The following CPSF4L variants were observed in gnomAD, a reference collection of about 807,000 sequenced individuals.
CPSF4L encodes the protein cleavage and polyadenylation specific factor 4 like.
Under a neutral mutation model 24.0 loss-of-function variants are expected in CPSF4L, and 18 were observed. The observed-to-expected ratio is 0.75, with a 90% CI of 0.52 to 1.11. The LOEUF is 1.11. Among genes scored for constraint, CPSF4L ranks in the 50% least tolerant of loss-of-function variants. The probability of loss-of-function intolerance (pLI) is 0.00; values close to 1 mark genes in which losing one functional copy is unlikely to be tolerated. For missense variants in CPSF4L, 211 were observed against 221.8 expected (o/e 0.95, Z 0.31); for synonymous variants, 72 against 77.2 (o/e 0.93, Z 0.35).
At chr17:73,255,493 C>T (rs2062021589) in intron 3 of CPSF4L, among the ~76,000 whole-genome samples, 1 of 139,772 alleles carries the variant, frequency 7.2e-6, no homozygotes. Flanking sequence ...GGCAACAGTG[C>T]GAGACTCTGT....
At chr17:73,257,884 C>A in intron 2 of CPSF4L, 51 bp from the exon 3 acceptor site, 5 of 1,539,268 alleles carry the variant, frequency 3.2e-6, no homozygotes, top group Non-Finnish European at 8.8e-7. Context: ...ACAGCCTGGG[C>A]CCAGCTCAGC....
intron 5 of CPSF4L, among the ~76,000 whole-genome samples, chr17:73,252,181 A>C (rs1248577494): frequency 6.6e-6 from 1 of 152,190 alleles, no homozygotes; most frequent in Non-Finnish European, 1.5e-5. Context: ...TGAGTAAAAG[A>C]TTCATCTTGG....
chr17:73,259,444 G>C (rs750588611), intron 2 of CPSF4L, among the ~76,000 whole-genome samples: 6 of 152,160 alleles, frequency 3.9e-5, no homozygotes, highest in Non-Finnish European at 8.8e-5. Context: ...GCCTCTCAAA[G>C]TGCTGGAATT....
chr17:73,261,098 G>A, intron 1 of CPSF4L, 115 bp from the exon 2 acceptor site: 1 of 822,860 alleles, frequency 1.2e-6, no homozygotes, highest in Admixed American at 2.3e-5. Context: ...TCTGGCCTAT[G>A]GGATCCCAAA....
chr17:73,248,831 C>T, intron 5 of CPSF4L: 1 of 341,286 alleles, frequency 2.9e-6, no homozygotes, highest in Non-Finnish European at 5.3e-6. Context: ...TTCTAATGCA[C>T]ATTAAAATTT....
At chr17:73,246,657 A>G (rs1311063434), downstream of CPSF4L, among the ~76,000 whole-genome samples, 1 of 152,090 alleles carries the variant, frequency 6.6e-6, no homozygotes, top group African/African-American at 2.4e-5. Flanking sequence ...TCTATTCCCA[A>G]TCCCCTGCTC....
At chr17:73,245,154 C>T (rs1408906393), downstream of CPSF4L, 8 of 1,613,568 alleles carry the variant, frequency 5.0e-6, no homozygotes, top group Admixed American at 1.7e-5. Context: ...ACATTTGTCT[C>T]TGTTTATCCA....
upstream of CPSF4L, chr17:73,261,928 C>T: frequency 1.3e-6 from 1 of 786,520 alleles, no homozygotes; most frequent in Non-Finnish European, 2.1e-6. Flanking sequence ...CCCCCTTCAC[C>T]CCAGGGTGCC....
At chr17:73,259,474 C>G (rs1407115622) in intron 2 of CPSF4L, among the ~76,000 whole-genome samples, 1 of 152,236 alleles carries the variant, frequency 6.6e-6, no homozygotes, top group Non-Finnish European at 1.5e-5. Flanking sequence ...AGCCTACTCC[C>G]CCGGCCAAGG....
downstream of CPSF4L, among the ~76,000 whole-genome samples, chr17:73,244,949 A>G (rs1369713937): frequency 6.6e-6 from 1 of 152,212 alleles, no homozygotes; most frequent in African/African-American, 2.4e-5. Flanking sequence ...CCACAGAGAA[A>G]AGGGCTTTTC....
chr17:73,254,939 G>T (rs935291643), intron 3 of CPSF4L, among the ~76,000 whole-genome samples: 7 of 152,262 alleles, frequency 4.6e-5, no homozygotes, highest in Admixed American at 2.6e-4. Flanking sequence ...ACCACGCCCG[G>T]ACCCAGGTGT....
intron 3 of CPSF4L, among the ~76,000 whole-genome samples, chr17:73,257,222 TC>T (rs1279798528): frequency 6.6e-6 from 1 of 152,166 alleles, no homozygotes; most frequent in Non-Finnish European, 1.5e-5. Context: ...ATGCAAAGTT[TC>T]TTCTAAAGTA....
downstream of CPSF4L, chr17:73,247,278 A>G (rs1349768747): frequency 1.2e-6 from 2 of 1,614,148 alleles, no homozygotes; most frequent in African/African-American, 1.3e-5. Flanking sequence ...AGAGCACAGT[A>G]CCTCCATGCA....
intron 3 of CPSF4L, 86 bp downstream of exon 3, chr17:73,257,595 G>T (rs377019161): frequency 7.2e-7 from 1 of 1,397,582 alleles, no homozygotes; most frequent in Non-Finnish European, 9.8e-7. Context: ...CCTCCTCTGC[G>T]TGCCCGCTCC....
intron 1 of CPSF4L, 38 bp downstream of exon 1, chr17:73,261,678 G>A: frequency 7.4e-7 from 1 of 1,345,050 alleles, no homozygotes; most frequent in African/African-American, 1.5e-5. Flanking sequence ...AAAAAACAGA[G>A]AAGGTAGGGG....
At chr17:73,248,722 ACT>A in intron 5 of CPSF4L, 186 bp from the exon 6 acceptor site, 1 of 644,676 alleles carries the variant, frequency 1.6e-6, no homozygotes, top group Non-Finnish European at 2.8e-6. Flanking sequence ...CCCGGCTGTA[ACT>A]CACACGTGGT....
chr17:73,246,742 G>A (rs1473755747), downstream of CPSF4L, among the ~76,000 whole-genome samples: 1 of 152,160 alleles, frequency 6.6e-6, no homozygotes, highest in East Asian at 1.9e-4. Flanking sequence ...ATATATCCCT[G>A]TATCCTAGAA....
chr17:73,252,746 T>A (rs1266803980), intron 4 of CPSF4L, 23 bp from the exon 5 acceptor site: 1 of 1,501,446 alleles, frequency 6.7e-7, no homozygotes, highest in Non-Finnish European at 9.0e-7. Context: ...GAGAAAGTGA[T>A]GAGAAGGATC....
At chr17:73,246,417 T>TC (rs1414939670), downstream of CPSF4L, among the ~76,000 whole-genome samples, 1 of 152,160 alleles carries the variant, frequency 6.6e-6, no homozygotes, top group African/African-American at 2.4e-5. Flanking sequence ...ACGCCTGTAG[T>TC]CCCAGCTACT....
Sources: gnomAD v4.1 joint callset for allele counts (sites outside exome capture counted in the v4.1 genomes callset) on GRCh38, gnomAD v4.1.1 for gene constraint, MANE v1.5 for transcripts, NCBI Gene and HGNC (gene_info 2026-07-23, HGNC 2026-07-21) for gene names.